Variants in GSK3B observed in about 807,000 individuals in gnomAD.
GSK3B encodes glycogen synthase kinase-3 beta.
In GSK3B, 15 loss-of-function variants were observed where a neutral mutation model predicts 56.4. The ratio of observed to expected loss-of-function variants is 0.27; its 90% CI spans 0.18 to 0.41. The LOEUF is 0.41. Among genes scored for constraint, GSK3B ranks in the 10% least tolerant of loss-of-function variants. The probability of loss-of-function intolerance (pLI) is 1.00; values close to 1 mark genes in which losing one functional copy is unlikely to be tolerated. For synonymous variants in GSK3B, 181 were observed against 188.9 expected (o/e 0.96, Z 0.34); for missense variants, 300 against 513.4 (o/e 0.58, Z 4.02).
rs547659833 is a variant in GSK3B at position 119,915,989 on chromosome 3, A to G, written c.608+55T>C. Reference sequence around the variant, plus strand: ...GCAAAAGGAATATATTTAAAAGAAGATAGTAGGGGGAGGAGGGGAAAAGGG... The same window carrying G: ...GCAAAAGGAATATATTTAAAAGAAGGTAGTAGGGGGAGGAGGGGAAAAGGG... On this transcript the variant is annotated intron_variant, in intron 5 of 10. Transcript: ENST00000264235. 8.0e-5 allele frequency: 100 copies of G among 1,242,642 alleles called. No homozygotes were observed. In the African/African-American group the frequency reaches 1.4e-3, roughly 17 times the overall value. 77.0% of individuals were successfully genotyped at this position (1,242,642 alleles called of 1,614,324 possible). A position where few individuals can be genotyped will look rare whatever the true frequency, so the allele number is the denominator to read the frequency against.
intron 3 of GSK3B, among the ~76,000 whole-genome samples, chr3:119,928,002 A>G (rs931851062): frequency 6.6e-6 from 1 of 152,228 alleles, no homozygotes; most frequent in Non-Finnish European, 1.5e-5. Flanking sequence ...TCTATACCCA[A>G]TATCTTGGTG....
intron 7 of GSK3B, among the ~76,000 whole-genome samples, chr3:119,886,600 T>C (rs974745128): frequency 6.6e-6 from 1 of 151,910 alleles, no homozygotes; most frequent in African/African-American, 2.4e-5. Flanking sequence ...TTCTTCACAA[T>C]AACAAAGACA....
At chr3:119,840,112 G>GC (rs2055750779) in intron 10 of GSK3B, among the ~76,000 whole-genome samples, 1 of 152,186 alleles carries the variant, frequency 6.6e-6, no homozygotes, top group East Asian at 1.9e-4. Flanking sequence ...GTGGAGAGAT[G>GC]CATGTCCATT....
intron 3 of GSK3B, among the ~76,000 whole-genome samples, chr3:119,925,348 T>A (rs2056880535): frequency 6.6e-6 from 1 of 152,128 alleles, no homozygotes; most frequent in African/African-American, 2.4e-5. Flanking sequence ...TGTCCAGCAA[T>A]AATTATACAC....
At chr3:119,848,310 AG>A (rs2055883386) in intron 9 of GSK3B, among the ~76,000 whole-genome samples, 1 of 152,204 alleles carries the variant, frequency 6.6e-6, no homozygotes, top group African/African-American at 2.4e-5. Flanking sequence ...CACAGTTTGA[AG>A]GAACAATCAT....
chr3:119,826,107 T>G lies in GSK3B; in HGVS notation c.*681A>C. 2 of 231,894 alleles carry G rather than the reference T, an allele frequency of 8.6e-6. No individual in the cohort carries two copies. The highest frequency in any genetic ancestry group is 8.5e-6 in the Non-Finnish European group (1 of 117,796). 14.4% of individuals were successfully genotyped at this position (231,894 alleles called of 1,614,324 possible). A position where few individuals can be genotyped will look rare whatever the true frequency, so the allele number is the denominator to read the frequency against. On this transcript the variant is annotated 3_prime_UTR_variant, in exon 11 of 11. Coordinates refer to ENST00000264235, the MANE Select transcript of GSK3B (RefSeq NM_001146156.2). ...CCTCCTGTACAAGCCTCTACATCAC[T>G]AGCACTAACTGAGAGCAAAACAAAA... is the stretch of plus-strand genomic sequence containing the variant.
chr3:119,889,299 C>T (rs565648481), intron 7 of GSK3B, among the ~76,000 whole-genome samples: 2 of 152,212 alleles, frequency 1.3e-5, no homozygotes, highest in South Asian at 4.1e-4. Context: ...CCAGCCGACA[C>T]TCATGGAAAA....
At chr3:119,995,638 T>C (rs1442255124) in intron 2 of GSK3B, among the ~76,000 whole-genome samples, 1 of 152,026 alleles carries the variant, frequency 6.6e-6, no homozygotes, top group East Asian at 1.9e-4. Context: ...TTTCACCATA[T>C]TGGTCAGGAT....
At chr3:119,859,713 AAC>A (rs958548556) in intron 9 of GSK3B, among the ~76,000 whole-genome samples, 2 of 151,832 alleles carry the variant, frequency 1.3e-5, no homozygotes, top group Non-Finnish European at 2.9e-5. Context: ...TGCTTTCTGG[AAC>A]ACCTTTTCTA....
intron 2 of GSK3B, among the ~76,000 whole-genome samples, 181 bp downstream of exon 2, chr3:120,001,865 T>C (rs1481900113): frequency 1.3e-5 from 2 of 152,176 alleles, no homozygotes; most frequent in Non-Finnish European, 2.9e-5. Context: ...TACTGCAATC[T>C]TCAGTGAATG....
At chr3:119,833,393 T>C (rs2055634593) in intron 10 of GSK3B, among the ~76,000 whole-genome samples, 1 of 152,144 alleles carries the variant, frequency 6.6e-6, no homozygotes, top group African/African-American at 2.4e-5. Context: ...ATTCTTCTGA[T>C]TTATTGAAAT....
At chr3:119,948,571 T>C (rs2057123812) in intron 2 of GSK3B, among the ~76,000 whole-genome samples, 1 of 152,168 alleles carries the variant, frequency 6.6e-6, no homozygotes, top group African/African-American at 2.4e-5. Flanking sequence ...CTTTAACAAA[T>C]AACTAACAAA....
chr3:119,917,863 A>G (rs367556892), intron 4 of GSK3B, among the ~76,000 whole-genome samples: 1 of 152,118 alleles, frequency 6.6e-6, no homozygotes, highest in East Asian at 1.9e-4. Context: ...TTTATAAGAA[A>G]GCTGAGAGGC....
chr3:119,865,466 A>AT (rs779477802), intron 8 of GSK3B, among the ~76,000 whole-genome samples: 33 of 34,106 alleles, frequency 9.7e-4, no homozygotes, highest in African/African-American at 3.0e-3. Context: ...ATATATATAT[A>AT]TTTTTTTTTT....
intron 1 of GSK3B, among the ~76,000 whole-genome samples, chr3:120,058,579 A>G (rs1008161334): frequency 3.9e-5 from 6 of 152,198 alleles, no homozygotes; most frequent in Non-Finnish European, 5.9e-5. Context: ...TCAAAAAAAA[A>G]AACCTGGTTT....
chr3:119,929,994 T>C (rs182237375), intron 3 of GSK3B, among the ~76,000 whole-genome samples: 235 of 149,760 alleles, frequency 1.6e-3, no homozygotes, highest in Middle Eastern at 3.5e-3. Context: ...GGTGGGAGGA[T>C]CACTTGAGCC....
chr3:119,884,468 T>A (rs1294285795), intron 7 of GSK3B, among the ~76,000 whole-genome samples: 1 of 152,048 alleles, frequency 6.6e-6, no homozygotes, highest in Non-Finnish European at 1.5e-5. Flanking sequence ...GACACATCAA[T>A]TTTCTTTTCT....
In GSK3B at chr3:120,093,890, GA is replaced by G. The variant is rs2058537967; in HGVS notation, c.-457del. ...AGTCTCACGCTTGAAGAGAAAGGGG[GA>G]TGGGTAGGAGGGAGGGAGAGGGAGG... On this transcript the variant is annotated 5_prime_UTR_variant, in exon 1 of 11. Transcript: ENST00000264235. 1 of 191,136 alleles carries G rather than the reference GA, an allele frequency of 5.2e-6. No individual in the cohort carries two copies. The highest frequency in any genetic ancestry group is 2.4e-5 in the African/African-American group (1 of 42,388). 11.8% of individuals were successfully genotyped at this position (191,136 alleles called of 1,614,324 possible).
At position 120,093,405 on chromosome 3, in the gene GSK3B, A is replaced by G. The variant is rs753624393; in HGVS notation, c.30T>C (p.Phe10=). 1.9e-6 allele frequency: 3 copies of G among 1,613,778 alleles called. No homozygotes were observed. Among genetic ancestry groups the G allele is most frequent in the Non-Finnish European group, 2.5e-6 (3 of 1,179,702 alleles). The change falls in exon 1 of 11, where the codon TTT becomes TTC. Residue 10 remains phenylalanine (F), a synonymous_variant. Coordinates refer to ENST00000264235, the MANE Select transcript of GSK3B (RefSeq NM_001146156.2). ...GCTGCACCGGCTTGCAGCTCTCCGC[A>G]AAGGAGGTGGTTCTGGGCCGCCCTG... is the stretch of plus-strand genomic sequence containing the variant. MSGRPRTTS[F]AESCKPVQQP... is the part of the protein sequence containing the mutation.
Sources: allele counts gnomAD v4.1 joint callset (sites outside exome capture counted in the v4.1 genomes callset), GRCh38; gene constraint gnomAD v4.1.1; transcripts MANE v1.5; gene names NCBI Gene and HGNC (gene_info 2026-07-23, HGNC 2026-07-21).